PHLPP2: variants seen among roughly 807,000 people sequenced by gnomAD.
PHLPP2 encodes PH domain and leucine rich repeat protein phosphatase 2, also known as PH domain leucine-rich repeat-containing protein phosphatase 2.
A neutral mutation model predicts 124.9 loss-of-function variants in PHLPP2; 66 were observed. That is an observed-to-expected ratio of 0.53 (90% confidence interval 0.43 to 0.65). The LOEUF (loss-of-function observed/expected upper bound fraction) is 0.65. Among genes scored for constraint, PHLPP2 ranks in the 30% least tolerant of loss-of-function variants. The pLI is 0.00. For missense variants in PHLPP2, 1,685 were observed against 1,600.4 expected (o/e 1.05, Z -0.90); for synonymous variants, 681 against 624.7 (o/e 1.09, Z -1.34).
At position 71,658,716 on chromosome 16, in the gene PHLPP2, G is replaced by A; in HGVS notation, c.2085C>T (p.Thr695=). The part of the protein sequence containing the change: ...TTIANCKRLH[T]LVAHSNNISI... ...TGATGTTGTTGGAGTGTGCAACAAG[G>A]GTGTGCAGCCTTTTACAGTTTGCTA... is the stretch of plus-strand genomic sequence containing the variant. Residue 695 remains threonine, a synonymous_variant, in exon 14 of 19, where the codon ACC becomes ACT. Transcript: ENST00000568954. The A allele has an allele frequency of 6.2e-7, 1 of 1,614,034 alleles. No homozygotes were observed. The highest frequency in any genetic ancestry group is 8.5e-7 in the Non-Finnish European group (1 of 1,179,964).
intron 4 of PHLPP2, 47 bp from the exon 5 acceptor site, chr16:71,684,648 C>A: frequency 6.6e-7 from 1 of 1,515,268 alleles, no homozygotes; most frequent in Non-Finnish European, 8.9e-7. Flanking sequence ...AAAAAAAAAT[C>A]CTAGTCAAAA....
In PHLPP2 at chr16:71,647,882, C is replaced by T. The variant is rs2044664672; in HGVS notation, c.*1008G>A. ...AAAGTTAAATCAACTTCACAGGGCC[C>T]TTCCTATACCCTCGAATAAGTCTCC... On this transcript the variant is annotated 3_prime_UTR_variant, in exon 19 of 19. Transcript: ENST00000568954. 6.6e-6 allele frequency: 1 copy of T among 152,580 alleles called. No individual in the cohort carries two copies. Among genetic ancestry groups the T allele is most frequent in the South Asian group, 2.1e-4 (1 of 4,828 alleles). The allele number at this position is 152,580 out of a possible 1,614,324, so 9.5% of individuals were successfully genotyped here. A position where few individuals can be genotyped will look rare whatever the true frequency, so the allele number is the denominator to read the frequency against.
At chr16:71,718,591 AAAC>A (rs2045378722) in intron 1 of PHLPP2, among the ~76,000 whole-genome samples, 1 of 151,528 alleles carries the variant, frequency 6.6e-6, no homozygotes, top group Admixed American at 6.6e-5. Flanking sequence ...AAAAAAAAAA[AAAC>A]AAAACACATG....
intron 9 of PHLPP2, among the ~76,000 whole-genome samples, chr16:71,675,967 C>T (rs571460684): frequency 7.9e-5 from 12 of 152,174 alleles, no homozygotes; most frequent in African/African-American, 2.4e-4. Context: ...GTGATCAGCC[C>T]ACCTCAGCCT....
chr16:71,667,262 A>G lies in PHLPP2; in HGVS notation c.1700T>C (p.Val567Ala), dbSNP rs576499205. ...HNHVQNLPTL[V>A]EHIPLEVLDL... ...CAGCACCTCGAGGGGGATGTGCTCTACCAGTGTTGGAAGGTTTTGCACATG... is the reference window on the plus strand; with the variant it reads ...CAGCACCTCGAGGGGGATGTGCTCTGCCAGTGTTGGAAGGTTTTGCACATG... The change falls in exon 12 of 19, where the codon GTA (valine) becomes GCA (alanine). Residue 567 changes from valine to alanine, a missense_variant. By Grantham distance (64) the Val-to-Ala change is moderately conservative. Transcript: ENST00000568954. 46 of 1,613,854 alleles carry G rather than the reference A, an allele frequency of 2.9e-5. No homozygotes were observed. The South Asian group carries it at 4.8e-4, about 17-fold the overall frequency.
chr16:71,713,750 A>G (rs1165553673), intron 2 of PHLPP2, among the ~76,000 whole-genome samples: 1 of 152,150 alleles, frequency 6.6e-6, no homozygotes, highest in Non-Finnish European at 1.5e-5. Context: ...ATGTAGAGAC[A>G]CATACTCACG....
In PHLPP2 at chr16:71,669,348, C is replaced by A; in HGVS notation, c.1555G>T (p.Asp519Tyr). ...ATCTTCTTTGCTTCACAGGCCCAGT[C>A]AGGGACACACTCTAGCAGGTTTCTG... Reference protein sequence around the residue: ...LSRNLLECVPDWACEAKKIEV... With the variant: ...LSRNLLECVPYWACEAKKIEV... The change falls in exon 11 of 19, where the codon GAC becomes TAC. Residue 519 changes from aspartate to tyrosine, a missense_variant. Transcript: ENST00000568954. The A allele has an allele frequency of 6.2e-7, 1 of 1,611,620 alleles. No homozygotes were observed. The highest frequency in any genetic ancestry group is 1.1e-5 in the South Asian group (1 of 91,028).
At position 71,697,215 on chromosome 16, in the gene PHLPP2, T is replaced by TAAAAA. The variant is rs1555547738; in HGVS notation, c.418+5378_418+5382dup. ...ATAAATAAATAAATAAATAAATAAA[T>TAAAAA]AAAAAGAAACTCAGGGTCTGCAATT... On this transcript the variant is annotated intron_variant, in intron 3 of 18. Coordinates refer to ENST00000568954, the MANE Select transcript of PHLPP2 (RefSeq NM_015020.3). Among the ~76,000 whole-genome samples the TAAAAA allele has an allele frequency of 2.5e-3, 204 of 82,652 alleles. 1 individual carries two copies. The highest frequency in any genetic ancestry group is 1.5e-3 in the South Asian group (5 of 3,250). 54.2% of individuals were successfully genotyped at this position (82,652 alleles called of 152,430 possible).
At position 71,697,400 on chromosome 16, in the gene PHLPP2, T is replaced by C. The variant is rs180712496; in HGVS notation, c.418+5198A>G. 6.6e-5 allele frequency among the ~76,000 whole-genome samples: 10 copies of C among 152,134 alleles called. 1 individual carries two copies. Among genetic ancestry groups the C allele is most frequent in the Admixed American group, 3.9e-4 (6 of 15,282 alleles). On this transcript the variant is annotated intron_variant, in intron 3 of 18. Coordinates refer to ENST00000568954, the MANE Select transcript of PHLPP2 (RefSeq NM_015020.3). ...CTCCATACAATGGAAGAAAATTTTG[T>C]CACATGTACACACCTAACCGCAAGA...
rs2044668069 is a variant in PHLPP2 at position 71,648,389 on chromosome 16, G to A, written c.*501C>T. The A allele has an allele frequency of 6.1e-6, 1 of 163,696 alleles. No individual in the cohort carries two copies. 10.1% of individuals were successfully genotyped at this position (163,696 alleles called of 1,614,324 possible). ...TTAAATGTGAAACTTAACACTGATAGTGGCTACCAGTTTATCCAGAGCCAG... is the reference window on the plus strand; with the variant it reads ...TTAAATGTGAAACTTAACACTGATAATGGCTACCAGTTTATCCAGAGCCAG... On this transcript the variant is annotated 3_prime_UTR_variant, in exon 19 of 19. Coordinates refer to ENST00000568954, the MANE Select transcript of PHLPP2 (RefSeq NM_015020.3).
At chr16:71,670,429 A>G (rs1172808135) in intron 10 of PHLPP2, among the ~76,000 whole-genome samples, 3 of 152,182 alleles carry the variant, frequency 2.0e-5, no homozygotes, top group Non-Finnish European at 4.4e-5. Flanking sequence ...CCAAGGAAAA[A>G]GCATGTTTGG....
chr16:71,719,065 C>T (rs368822208), intron 1 of PHLPP2, among the ~76,000 whole-genome samples: 58 of 152,300 alleles, frequency 3.8e-4, no homozygotes, highest in African/African-American at 1.3e-3. Flanking sequence ...GCAGATGACA[C>T]GGTCCTCTGA....
At position 71,649,226 on chromosome 16, in the gene PHLPP2, A is replaced by G; in HGVS notation, c.3636T>C (p.Asn1212=). The part of the protein sequence containing the change: ...CFGIRRQNSV[N]SGMLLPMSKD... ...TGCTCATTGGCAGGAGCATGCCACT[A>G]TTCACACTGTTCTGTCTTCGGATCC... Residue 1212 remains asparagine, a synonymous_variant, in exon 19 of 19, where the codon AAT becomes AAC. Transcript: ENST00000568954. 6.2e-7 allele frequency: 1 copy of G among 1,613,846 alleles called. No individual in the cohort carries two copies. Among genetic ancestry groups the G allele is most frequent in the Non-Finnish European group, 8.5e-7 (1 of 1,179,806 alleles).
intron 9 of PHLPP2, among the ~76,000 whole-genome samples, chr16:71,673,171 T>C (rs1388654532): frequency 6.6e-6 from 1 of 152,230 alleles, no homozygotes; most frequent in East Asian, 1.9e-4. Context: ...TGTGAACATA[T>C]TTGTCCGTGT....
At chr16:71,669,219 T>C in intron 11 of PHLPP2, 56 bp downstream of exon 11, 3 of 1,233,242 alleles carry the variant, frequency 2.4e-6, no homozygotes, top group Non-Finnish European at 3.5e-6. Context: ...AAAATTTAAA[T>C]ACGCACACAC....
In PHLPP2 at chr16:71,690,696, G is replaced by T; in HGVS notation, c.432C>A (p.His144Gln). ...MIRFYGEKPC[H>Q]MDRLDRILLS... ...ATAGGATTCGATCCAAACGATCCAT[G>T]TGGCATGGTTTTTCTGAAAAGGAAA... The change falls in exon 4 of 19, where the codon CAC becomes CAA. Residue 144 changes from histidine to glutamine, a missense_variant. Transcript: ENST00000568954. 1.2e-6 allele frequency: 2 copies of T among 1,609,968 alleles called. No individual in the cohort carries two copies. The highest frequency in any genetic ancestry group is 1.7e-6 in the Non-Finnish European group (2 of 1,177,876).
At chr16:71,664,303 G>A (rs2044819756) in intron 12 of PHLPP2, 1 of 590,372 alleles carries the variant, frequency 1.7e-6, no homozygotes, top group South Asian at 2.1e-5. Context: ...ACCAAGTAGA[G>A]AGGAAAAAGT....
At chr16:71,686,781 T>G (rs2045058915) in intron 4 of PHLPP2, among the ~76,000 whole-genome samples, 1 of 152,180 alleles carries the variant, frequency 6.6e-6, no homozygotes, top group South Asian at 2.1e-4. Context: ...CTTTTTTTTT[T>G]TTCGCTTAGC....
chr16:71,703,311 G>T (rs1446442596), intron 2 of PHLPP2, among the ~76,000 whole-genome samples: 3 of 151,986 alleles, frequency 2.0e-5, no homozygotes, highest in African/African-American at 7.3e-5. Flanking sequence ...TATATCTATT[G>T]ATATTTACCA....
Sources: allele counts gnomAD v4.1 joint callset (sites outside exome capture counted in the v4.1 genomes callset), GRCh38; gene constraint gnomAD v4.1.1; transcripts MANE v1.5; gene names NCBI Gene and HGNC (gene_info 2026-07-23, HGNC 2026-07-21).